The following PARM1 variants were observed in gnomAD, a reference collection of about 807,000 sequenced individuals.
PARM1 encodes WSC4, cell wall integrity and stress response component 4 homolog.
In PARM1, 14 loss-of-function variants were observed where a neutral mutation model predicts 24.6. That is an observed-to-expected ratio of 0.57 (90% CI 0.38 to 0.89). The LOEUF (loss-of-function observed/expected upper bound fraction) is 0.89, where lower values mean the gene tolerates loss of function less well. PARM1 is among the 40% of genes least tolerant of loss of function. PARM1 has a pLI of 0.00. For synonymous variants in PARM1, 179 were observed against 156.6 expected (o/e 1.14, Z -1.07); for missense variants, 362 against 380.4 (o/e 0.95, Z 0.40).
chr4:75,008,735 T>C (rs1236431317), intron 1 of PARM1, among the ~76,000 whole-genome samples: 3 of 152,226 alleles, frequency 2.0e-5, no homozygotes, highest in African/African-American at 7.2e-5. Context: ...GTATGAGCTC[T>C]CTGAGGGAAA....
At chr4:75,044,842 G>A (rs1723568857) in intron 3 of PARM1, among the ~76,000 whole-genome samples, 1 of 152,152 alleles carries the variant, frequency 6.6e-6, no homozygotes, top group African/African-American at 2.4e-5. Context: ...ATCTTATGTG[G>A]ATGGCAGCAG....
intron 1 of PARM1, among the ~76,000 whole-genome samples, chr4:74,953,237 C>T (rs1721562716): frequency 1.3e-5 from 2 of 152,210 alleles, no homozygotes; most frequent in Admixed American, 1.3e-4. Flanking sequence ...CATATAATTT[C>T]CTTTATAGGA....
At chr4:74,954,945 C>G (rs1721603621) in intron 1 of PARM1, among the ~76,000 whole-genome samples, 1 of 152,150 alleles carries the variant, frequency 6.6e-6, no homozygotes, top group South Asian at 2.1e-4. Flanking sequence ...ATTAACAGAT[C>G]ATAATTCACC....
intron 1 of PARM1, among the ~76,000 whole-genome samples, chr4:74,952,145 T>A (rs1721538299): frequency 6.6e-6 from 1 of 152,252 alleles, no homozygotes; most frequent in Non-Finnish European, 1.5e-5. Flanking sequence ...TGGCATGAGA[T>A]GGTATCTCAC....
At chr4:74,941,674 T>C (rs1451267681) in intron 1 of PARM1, among the ~76,000 whole-genome samples, 1 of 152,160 alleles carries the variant, frequency 6.6e-6, no homozygotes, top group Non-Finnish European at 1.5e-5. Flanking sequence ...GATGAAATGA[T>C]GTGTTAGACT....
chr4:74,992,463 G>A (rs1225271855), intron 1 of PARM1, among the ~76,000 whole-genome samples: 1 of 152,034 alleles, frequency 6.6e-6, no homozygotes, highest in Non-Finnish European at 1.5e-5. Context: ...CAAATTTGAT[G>A]AAAACTATAA....
intron 1 of PARM1, among the ~76,000 whole-genome samples, chr4:74,999,466 TA>T (rs1272848959): frequency 6.6e-6 from 1 of 152,148 alleles, no homozygotes; most frequent in African/African-American, 2.4e-5. Flanking sequence ...CATTAAGCAT[TA>T]AAATCCATGA....
At chr4:75,027,210 A>C (rs972795136) in intron 2 of PARM1, among the ~76,000 whole-genome samples, 1 of 152,074 alleles carries the variant, frequency 6.6e-6, no homozygotes, top group Non-Finnish European at 1.5e-5. Flanking sequence ...CCCACCCCAG[A>C]ATGGTTCCCG....
intron 1 of PARM1, among the ~76,000 whole-genome samples, chr4:75,004,997 G>A (rs887427665): frequency 3.9e-5 from 6 of 152,204 alleles, no homozygotes; most frequent in African/African-American, 1.2e-4. Flanking sequence ...TATCATCTGT[G>A]AAACCGAGAT....
chr4:75,046,018 G>A, intron 3 of PARM1, 145 bp from the exon 4 acceptor site: 1 of 585,096 alleles, frequency 1.7e-6, no homozygotes, highest in Non-Finnish European at 3.1e-6. Context: ...CTCCACGGTG[G>A]GTGGGTCTGC....
At chr4:74,961,444 A>G (rs1406611970) in intron 1 of PARM1, among the ~76,000 whole-genome samples, 2 of 152,220 alleles carry the variant, frequency 1.3e-5, no homozygotes, top group Non-Finnish European at 2.9e-5. Flanking sequence ...CATGAATATA[A>G]ACATTCAAGA....
chr4:75,017,274 C>T (rs1723006951), intron 2 of PARM1, among the ~76,000 whole-genome samples: 1 of 152,178 alleles, frequency 6.6e-6, no homozygotes, highest in South Asian at 2.1e-4. Flanking sequence ...CGCTCTGAAT[C>T]AGAGAAAAAG....
intron 3 of PARM1, chr4:75,034,769 C>T (rs569077216): frequency 4.6e-5 from 7 of 152,438 alleles, no homozygotes; most frequent in Admixed American, 6.5e-5. Flanking sequence ...GGTGAGCACA[C>T]TCACCCTTGA....
At chr4:74,970,175 T>C (rs775614742) in intron 1 of PARM1, 11 of 152,164 alleles carry the variant, frequency 7.2e-5, no homozygotes, top group Non-Finnish European at 1.6e-4. Context: ...CTAAGCTAAA[T>C]TTAGAAGTGT....
intron 1 of PARM1, among the ~76,000 whole-genome samples, chr4:75,000,863 A>C (rs1722667701): frequency 6.6e-6 from 1 of 152,248 alleles, no homozygotes; most frequent in African/African-American, 2.4e-5. Context: ...CAGAATGATT[A>C]ATGAACTTGT....
intron 2 of PARM1, among the ~76,000 whole-genome samples, chr4:75,026,869 A>G (rs1723190845): frequency 6.6e-6 from 1 of 152,268 alleles, no homozygotes. Context: ...CAGTAGCCCT[A>G]TGAGGTGGAG....
intron 3 of PARM1, among the ~76,000 whole-genome samples, chr4:75,040,646 G>A (rs1440440358): frequency 6.6e-6 from 1 of 152,176 alleles, no homozygotes; most frequent in Non-Finnish European, 1.5e-5. Flanking sequence ...TAATTTCTTA[G>A]TTTTGACAAA....
intron 1 of PARM1, among the ~76,000 whole-genome samples, chr4:75,001,168 T>G (rs1444819891): frequency 6.6e-6 from 1 of 152,162 alleles, no homozygotes; most frequent in Non-Finnish European, 1.5e-5. Flanking sequence ...AAAGAGTTAC[T>G]AAGAAGCCAT....
At chr4:74,991,681 AAG>A (rs1284891310) in intron 1 of PARM1, among the ~76,000 whole-genome samples, 1 of 152,186 alleles carries the variant, frequency 6.6e-6, no homozygotes, top group Non-Finnish European at 1.5e-5. Context: ...AGCCAGAGGA[AAG>A]AACCCTTGTA....
Sources: allele counts gnomAD v4.1 joint callset (sites outside exome capture counted in the v4.1 genomes callset), GRCh38; gene constraint gnomAD v4.1.1; transcripts MANE v1.5; gene names NCBI Gene and HGNC (gene_info 2026-07-23, HGNC 2026-07-21).